Variants in LNPK observed in about 807,000 individuals in gnomAD.
LNPK encodes the protein endoplasmic reticulum junction formation protein lunapark.
LNPK carries 29 observed loss-of-function variants against 55.2 expected under a neutral mutation model. The ratio of observed to expected loss-of-function variants is 0.53; its 90% CI spans 0.39 to 0.72. The LOEUF (loss-of-function observed/expected upper bound fraction) is 0.72. LNPK is among the 30% of genes least tolerant of loss of function. LNPK has a pLI of 0.00. For synonymous variants in LNPK, 162 were observed against 168.2 expected (o/e 0.96, Z 0.29); for missense variants, 467 against 494.8 (o/e 0.94, Z 0.53).
intron 6 of LNPK, among the ~76,000 whole-genome samples, chr2:175,966,612 T>C: frequency 6.6e-6 from 1 of 152,326 alleles, no homozygotes; most frequent in South Asian, 2.1e-4. Context: ...TACTAAAAGA[T>C]ACAAATCTAT....
chr2:175,987,822 G>A (rs1170226224), intron 4 of LNPK, among the ~76,000 whole-genome samples: 1 of 152,062 alleles, frequency 6.6e-6, no homozygotes, highest in Non-Finnish European at 1.5e-5. Flanking sequence ...TTTTTGTTCA[G>A]TAATATCTAA....
intron 12 of LNPK, chr2:175,932,091 T>C: frequency 4.5e-6 from 2 of 441,472 alleles, no homozygotes; most frequent in Non-Finnish European, 9.1e-6. Flanking sequence ...AACTCACCAA[T>C]AAACATGTTT....
At position 175,947,595 on chromosome 2, in the gene LNPK, T is replaced by C; in HGVS notation, c.591A>G (p.Pro197=). Reference sequence around the variant, plus strand: ...CACCAGGGGCAGAACTGTCCTTTGGTGGTCCAGGAGATACTGGAACTTGTG... The same window carrying C: ...CACCAGGGGCAGAACTGTCCTTTGGCGGTCCAGGAGATACTGGAACTTGTG... ...PPPQVPVSPG[P]PKDSSAPGGP... is the part of the protein sequence containing the mutation. Residue 197 remains proline (P), a synonymous_variant, in exon 9 of 13, where the codon CCA becomes CCG. Transcript: ENST00000272748. 4 of 1,613,998 alleles carry C rather than the reference T, an allele frequency of 2.5e-6. No individual in the cohort carries two copies. The highest frequency in any genetic ancestry group is 3.4e-6 in the Non-Finnish European group (4 of 1,179,920).
At chr2:175,976,262 A>C (rs1310423027) in intron 5 of LNPK, among the ~76,000 whole-genome samples, 1 of 152,230 alleles carries the variant, frequency 6.6e-6, no homozygotes, top group Non-Finnish European at 1.5e-5. Context: ...ACTAGTGAAG[A>C]AGCAATTGTG....
At chr2:175,992,050 T>A (rs1230742445) in intron 4 of LNPK, among the ~76,000 whole-genome samples, 181 bp downstream of exon 4, 3 of 152,228 alleles carry the variant, frequency 2.0e-5, no homozygotes, top group African/African-American at 7.2e-5. Flanking sequence ...GTATATTGGA[T>A]TACAAATGAA....
intron 8 of LNPK, among the ~76,000 whole-genome samples, chr2:175,954,637 C>T (rs1032600439): frequency 3.9e-5 from 6 of 152,124 alleles, no homozygotes; most frequent in Admixed American, 2.6e-4. Context: ...TTTCCTTTAT[C>T]ACCTTAATAA....
chr2:175,961,196 A>T (rs1008289293), intron 8 of LNPK, among the ~76,000 whole-genome samples: 5 of 152,290 alleles, frequency 3.3e-5, no homozygotes, highest in Non-Finnish European at 5.9e-5. Context: ...ATCCTCCCTA[A>T]CTCATTTTAT....
intron 8 of LNPK, among the ~76,000 whole-genome samples, chr2:175,961,139 T>TGGCA (rs1686008648): frequency 2.0e-5 from 3 of 152,176 alleles, no homozygotes; most frequent in Admixed American, 1.3e-4. Flanking sequence ...AAAGAGAAGC[T>TGGCA]GGCACCATTC....
chr2:175,930,648 T>C (rs1684238775), intron 12 of LNPK, among the ~76,000 whole-genome samples: 1 of 135,988 alleles, frequency 7.4e-6, no homozygotes, highest in Non-Finnish European at 1.5e-5. Flanking sequence ...AATATGTAAA[T>C]GTGTACTTTG....
intron 8 of LNPK, among the ~76,000 whole-genome samples, chr2:175,961,577 C>T (rs1050281544): frequency 6.6e-6 from 1 of 152,254 alleles, no homozygotes; most frequent in East Asian, 1.9e-4. Flanking sequence ...CTATTTATGA[C>T]AAACCTACAG....
At chr2:175,970,019 AT>A (rs1006766437) in intron 6 of LNPK, among the ~76,000 whole-genome samples, 1 of 152,220 alleles carries the variant, frequency 6.6e-6, no homozygotes, top group African/African-American at 2.4e-5. Context: ...TGAATTGATC[AT>A]TTGTACCTGA....
chr2:175,940,158 A>C (rs982669199), intron 9 of LNPK, among the ~76,000 whole-genome samples: 2 of 152,080 alleles, frequency 1.3e-5, no homozygotes, highest in Non-Finnish European at 2.9e-5. Flanking sequence ...CTAAAAACAA[A>C]ACATGCCCTA....
At chr2:175,965,394 T>C (rs150647772) in intron 6 of LNPK, among the ~76,000 whole-genome samples, 1 of 152,276 alleles carries the variant, frequency 6.6e-6, no homozygotes, top group Non-Finnish European at 1.5e-5. Context: ...TCAGAAAAAG[T>C]TGAACTTTAG....
chr2:175,945,922 A>AT, intron 9 of LNPK, among the ~76,000 whole-genome samples: 1 of 152,296 alleles, frequency 6.6e-6, no homozygotes, highest in South Asian at 2.1e-4. Flanking sequence ...CTGGTTATTA[A>AT]TTTTCAAACA....
chr2:175,935,704 T>C (rs1359572105), intron 12 of LNPK: 1 of 889,812 alleles, frequency 1.1e-6, no homozygotes, highest in South Asian at 5.2e-5. Context: ...TGTAATAACA[T>C]TACCTTATTG....
intron 5 of LNPK, among the ~76,000 whole-genome samples, chr2:175,977,532 T>C (rs1321795324): frequency 6.6e-6 from 1 of 152,102 alleles, no homozygotes; most frequent in Non-Finnish European, 1.5e-5. Flanking sequence ...TGAAGTGTTG[T>C]CAAAGAAGCT....
intron 8 of LNPK, among the ~76,000 whole-genome samples, chr2:175,960,817 A>G (rs1437006322): frequency 6.6e-6 from 1 of 152,192 alleles, no homozygotes; most frequent in Non-Finnish European, 1.5e-5. Flanking sequence ...CACTAGCAAG[A>G]CTAGTAAAGA....
At chr2:175,965,849 C>T (rs1686304854) in intron 6 of LNPK, among the ~76,000 whole-genome samples, 1 of 151,692 alleles carries the variant, frequency 6.6e-6, no homozygotes, top group African/African-American at 2.4e-5. Context: ...TAATAAAATA[C>T]ATCCCCAAAT....
chr2:175,980,197 T>C (rs561703939), intron 4 of LNPK, among the ~76,000 whole-genome samples: 2 of 152,300 alleles, frequency 1.3e-5, no homozygotes, highest in South Asian at 2.1e-4. Context: ...TTGAGAATAT[T>C]AGAATCCCTT....
Sources: allele counts gnomAD v4.1 joint callset (sites outside exome capture counted in the v4.1 genomes callset), GRCh38; gene constraint gnomAD v4.1.1; transcripts MANE v1.5; gene names NCBI Gene and HGNC (gene_info 2026-07-23, HGNC 2026-07-21).